EP400: variants seen among roughly 807,000 people sequenced by gnomAD.
EP400 encodes E1A binding protein p400.
Under a neutral mutation model 354.1 loss-of-function variants are expected in EP400, and 105 were observed. The observed-to-expected ratio is 0.30, with a 90% confidence interval of 0.25 to 0.35. EP400 has a LOEUF of 0.35. EP400 is among the 10% of genes least tolerant of loss of function. The pLI, the probability that EP400 is intolerant of heterozygous loss-of-function variation, is 1.00. For missense variants in EP400, 3,280 were observed against 4,121.0 expected (o/e 0.80, Z 5.59); for synonymous variants, 1,646 against 1,716.9 (o/e 0.96, Z 1.02).
chr12:132,061,280 G>A (rs185793790), intron 45 of EP400, among the ~76,000 whole-genome samples: 52 of 152,340 alleles, frequency 3.4e-4, no homozygotes, highest in Non-Finnish European at 1.6e-4. Flanking sequence ...ACTGTGGCAG[G>A]GACATTGGTG....
intron 29 of EP400, chr12:132,031,450 G>C (rs888017490): frequency 2.0e-6 from 1 of 499,766 alleles, no homozygotes; most frequent in Admixed American, 2.0e-5. Flanking sequence ...ATGGGTGAGC[G>C]TAAGATGATA....
rs1461102972 is a variant in EP400 at position 132,078,321 on chromosome 12, T to C, written c.*648T>C. 1 of 152,660 alleles carries C rather than the reference T, an allele frequency of 6.6e-6. No homozygotes were observed. The highest frequency in any genetic ancestry group is 2.1e-4 in the South Asian group (1 of 4,836). 9.5% of individuals were successfully genotyped at this position (152,660 alleles called of 1,614,324 possible). A position where few individuals can be genotyped will look rare whatever the true frequency, so the allele number is the denominator to read the frequency against. Reference sequence around the variant, plus strand: ...GTTCCTGGCCTGTGTTCAAGGGAAATGATCAGTCATTGCATTGTTATTCCA... The same window carrying C: ...GTTCCTGGCCTGTGTTCAAGGGAAACGATCAGTCATTGCATTGTTATTCCA... On this transcript the variant is annotated 3_prime_UTR_variant, in exon 53 of 53. Transcript: ENST00000389561.
chr12:132,064,780 C>CGCA lies in EP400; in HGVS notation c.8450_8452dup (p.Gln2817dup), dbSNP rs1565934475. 5 of 1,612,630 alleles carry CGCA rather than the reference C, an allele frequency of 3.1e-6. No individual in the cohort carries two copies. The highest frequency in any genetic ancestry group is 4.2e-6 in the Non-Finnish European group (5 of 1,179,802). ...ACAGCCCAAGTGCAAGTGCAGACCT[C>CGCA]GCAGCCGCCGCAGCAGCAGAGCCCC... On this transcript the variant is annotated inframe_insertion, in exon 48 of 53. Coordinates refer to ENST00000389561, the MANE Select transcript of EP400 (RefSeq NM_015409.5).
At chr12:132,073,059 G>A (rs113994373) in intron 51 of EP400, among the ~76,000 whole-genome samples, 2,107 of 152,204 alleles carry the variant, frequency 0.014, 56 homozygotes, top group African/African-American at 0.048. Context: ...GTGCTGTTGT[G>A]AGGTCAGGCT....
Position 132,052,353 on chromosome 12 carries a change from C to G in EP400, c.7395-793C>G, listed in dbSNP as rs565802587. ...TTGTCAGAAGGAGTTGGCTCAGGGC[C>G]CATCTCCGCAAACCCCCAGGACTCC... On this transcript the variant is annotated intron_variant, in intron 41 of 52. Coordinates refer to ENST00000389561, the MANE Select transcript of EP400 (RefSeq NM_015409.5). The surrounding 1 kb of genome is among the most constrained non-coding windows in gnomAD (Gnocchi z 4.4). 3.8e-4 allele frequency among the ~76,000 whole-genome samples: 58 copies of G among 152,312 alleles called. No homozygotes were observed. Among genetic ancestry groups the G allele is most frequent in the African/African-American group, 1.3e-3 (56 of 41,570 alleles).
intron 30 of EP400, among the ~76,000 whole-genome samples, chr12:132,032,864 C>T (rs1001225131): frequency 3.9e-5 from 6 of 152,132 alleles, no homozygotes; most frequent in African/African-American, 7.2e-5. Context: ...CTCCTGACCT[C>T]GTGATCCGCC....
At chr12:132,071,185 G>T (rs1272203837) in intron 51 of EP400, among the ~76,000 whole-genome samples, 1 of 151,812 alleles carries the variant, frequency 6.6e-6, no homozygotes, top group Non-Finnish European at 1.5e-5. Context: ...GTTCCTCTTT[G>T]TTACGGTGCT....
rs769371322 is a variant in EP400, at chr12:132,062,478, A to C, written c.8111A>C (p.Gln2704Pro). 3 of 1,613,034 alleles carry C rather than the reference A, an allele frequency of 1.9e-6. No individual in the cohort carries two copies. The highest frequency in any genetic ancestry group is 2.2e-5 in the South Asian group (2 of 91,074). Residue 2704 changes from glutamine to proline, a missense_variant, in exon 47 of 53, where the codon CAG (glutamine) becomes CCG (proline). Around this residue, in one of 20 missense-constraint regions of EP400, gnomAD observed 255 missense variants for 295.9 expected, o/e 0.86. Transcript: ENST00000389561. ...AACCTCTTCATAGCCACAGGAGTTC[A>C]GCTCCCTGGAAAAACCATCACACCT... ...VPQVSQATGV[Q>P]LPGKTITPAH... is the part of the protein sequence containing the mutation.
intron 30 of EP400, among the ~76,000 whole-genome samples, 181 bp from the exon 31 acceptor site, chr12:132,037,501 G>A (rs1226756712): frequency 1.3e-5 from 2 of 152,192 alleles, no homozygotes; most frequent in African/African-American, 4.8e-5. Flanking sequence ...TGGGAGGCGG[G>A]AGAGCTAAGA....
chr12:132,020,401 G>A (rs1217799620), intron 22 of EP400, among the ~76,000 whole-genome samples, 183 bp downstream of exon 22: 1 of 152,198 alleles, frequency 6.6e-6, no homozygotes, highest in Non-Finnish European at 1.5e-5. Context: ...TTGATGGCTT[G>A]TAATGGATGT....
rs746004172 is a variant in EP400 at position 132,020,095 on chromosome 12, G to A, written c.4324G>A (p.Val1442Met). ...QYGQKPEGRT[V>M]AFPSTHPPRT... is the part of the protein sequence containing the mutation. ...TGGCCAGAAGCCCGAGGGTCGCACC[G>A]TGGCTTTCCCCAGCACTCACCCGCC... is the stretch of plus-strand genomic sequence containing the variant. Residue 1442 changes from valine (V) to methionine (M), a missense_variant, in exon 22 of 53, where the codon GTG (valine) becomes ATG (methionine). Val to Met is a conservative substitution (Grantham distance 21). Coordinates refer to ENST00000389561, the MANE Select transcript of EP400 (RefSeq NM_015409.5). 74 of 1,602,282 alleles carry A rather than the reference G, an allele frequency of 4.6e-5. No homozygotes were observed. The highest frequency in any genetic ancestry group is 1.7e-4 in the Middle Eastern group (1 of 6,054).
intron 30 of EP400, among the ~76,000 whole-genome samples, chr12:132,034,012 A>G (rs1354485039): frequency 6.6e-6 from 1 of 152,264 alleles, no homozygotes; most frequent in African/African-American, 2.4e-5. Context: ...TCAGTTGCAC[A>G]TCTTCCCAGA....
In EP400 at chr12:132,070,816, G is replaced by A. The variant is rs1250265646; in HGVS notation, c.9021+1175G>A. 6.6e-6 allele frequency among the ~76,000 whole-genome samples: 1 copy of A among 152,132 alleles called. No homozygotes were observed. Among genetic ancestry groups the A allele is most frequent in the African/African-American group, 2.4e-5 (1 of 41,432 alleles). On this transcript the variant is annotated intron_variant, in intron 51 of 52. Transcript: ENST00000389561. The surrounding 1 kb of genome is among the most constrained non-coding windows in gnomAD (Gnocchi z 4.1). Reference sequence around the variant, plus strand: ...TATTCTTAAGCAATCAGTATTTTTTGATGCTTTTGTAAATGGTATGCTTTT... The same window carrying A: ...TATTCTTAAGCAATCAGTATTTTTTAATGCTTTTGTAAATGGTATGCTTTT...
intron 7 of EP400, 92 bp downstream of exon 7, chr12:131,987,982 A>ATT: frequency 6.4e-6 from 4 of 628,604 alleles, no homozygotes; most frequent in South Asian, 6.5e-5. Flanking sequence ...CTCCAGACCC[A>ATT]CTTTTTTTTT....
chr12:132,053,486 A>G lies in EP400; in HGVS notation c.7617A>G (p.Pro2539=), dbSNP rs779651896. The change falls in exon 43 of 53, where the codon CCA becomes CCG. Residue 2539 remains proline, a synonymous_variant. Coordinates refer to ENST00000389561, the MANE Select transcript of EP400 (RefSeq NM_015409.5). Reference sequence around the variant, plus strand: ...CGGGCAGCCAGCCGCCAGCAGGGCCACCAGCTGTCCAGCCCCAACCCCAGC... The same window carrying G: ...CGGGCAGCCAGCCGCCAGCAGGGCCGCCAGCTGTCCAGCCCCAACCCCAGC... ...QAAGSQPPAG[P]PAVQPQPQPQ... is the part of the protein sequence containing the mutation. 1 of 1,523,054 alleles carries G rather than the reference A, an allele frequency of 6.6e-7. No individual in the cohort carries two copies. The highest frequency in any genetic ancestry group is 8.8e-7 in the Non-Finnish European group (1 of 1,141,354). The allele number at this position is 1,523,054 out of a possible 1,614,324, so 94.3% of individuals were successfully genotyped here.
At chr12:131,986,460 G>T in intron 5 of EP400, 54 bp from the exon 6 acceptor site, 2 of 1,530,546 alleles carry the variant, frequency 1.3e-6, no homozygotes, top group Non-Finnish European at 1.8e-6. Flanking sequence ...TGGCACCGTG[G>T]GCTGCCCCGA....
At chr12:132,060,733 G>A (rs1423385429) in intron 45 of EP400, among the ~76,000 whole-genome samples, 1 of 152,080 alleles carries the variant, frequency 6.6e-6, no homozygotes, top group East Asian at 1.9e-4. Context: ...TGACCAACAT[G>A]GAGAAACCCC....
At chr12:132,045,189 T>C in intron 37 of EP400, 130 bp from the exon 38 acceptor site, 1 of 1,445,076 alleles carries the variant, frequency 6.9e-7, no homozygotes, top group Non-Finnish European at 9.3e-7. Context: ...GGTCTGTCTT[T>C]GGCAGGTGCT....
At position 131,990,469 on chromosome 12, in the gene EP400, C is replaced by T. The variant is rs1286081169; in HGVS notation, c.2551-167C>T. 1.3e-5 allele frequency among the ~76,000 whole-genome samples: 2 copies of T among 152,174 alleles called. No homozygotes were observed. Among genetic ancestry groups the T allele is most frequent in the African/African-American group, 4.8e-5 (2 of 41,442 alleles). On this transcript the variant is annotated intron_variant, in intron 8 of 52. Coordinates refer to ENST00000389561, the MANE Select transcript of EP400 (RefSeq NM_015409.5). This position sits in a 1 kb window ranked among gnomAD's most constrained non-coding sequence, Gnocchi z 4.2. ...ATTCTTACCTCACCACCTAATAGAA[C>T]CTGGGCAGGATGTAGTTAGTATGAA... is the stretch of plus-strand genomic sequence containing the variant.
Sources: allele counts gnomAD v4.1 joint callset (sites outside exome capture counted in the v4.1 genomes callset), GRCh38; gene constraint gnomAD v4.1.1; regional missense constraint gnomAD v4.1.1; non-coding constraint Gnocchi (gnomAD v3.1); transcripts MANE v1.5; gene names NCBI Gene and HGNC (gene_info 2026-07-23, HGNC 2026-07-21).